Variants in AAK1 observed in about 807,000 individuals in gnomAD.
AAK1 encodes the protein AP2-associated protein kinase 1.
AAK1 carries 37 observed loss-of-function variants against 116.0 expected under a neutral mutation model. The ratio of observed to expected loss-of-function variants is 0.32; its 90% CI spans 0.25 to 0.42. The LOEUF is 0.42. Among genes scored for constraint, AAK1 ranks in the 10% least tolerant of loss-of-function variants. The pLI, the probability that AAK1 is intolerant of heterozygous loss-of-function variation, is 1.00. For synonymous variants in AAK1, 458 were observed against 439.9 expected, an observed-to-expected ratio of 1.04 and a Z score of -0.51; for missense variants, 919 against 1,170.6, an observed-to-expected ratio of 0.79 and a Z score of 3.14.
Position 69,612,734 on chromosome 2 carries a change from G to C in AAK1, c.163+30144C>G, listed in dbSNP as rs1323810488. Among the ~76,000 whole-genome samples the C allele has an allele frequency of 2.0e-5, 3 of 152,318 alleles. No homozygotes were observed. In the East Asian group the frequency reaches 5.8e-4, roughly 29 times the overall value. ...GGAGGCAAGCCAATCCTTGGAAAAT[G>C]AAAAACTGGTACATTCATACCAAGA... On this transcript the variant is annotated intron_variant, in intron 2 of 21. Coordinates refer to ENST00000409085, the MANE Select transcript of AAK1 (RefSeq NM_014911.5).
chr2:69,605,774 C>T (rs2105205364), intron 2 of AAK1, among the ~76,000 whole-genome samples: 1 of 152,304 alleles, frequency 6.6e-6, no homozygotes, highest in South Asian at 2.1e-4. Context: ...CCTTATGCTG[C>T]CTCTTTATAG....
intron 2 of AAK1, among the ~76,000 whole-genome samples, chr2:69,626,171 T>C (rs1290166584): frequency 1.3e-5 from 2 of 152,086 alleles, no homozygotes; most frequent in Admixed American, 6.5e-5. Context: ...ATTTTCAACC[T>C]CTTCCTCTCT....
intron 2 of AAK1, among the ~76,000 whole-genome samples, chr2:69,638,964 G>A (rs369512991): frequency 1.5e-4 from 23 of 152,170 alleles, no homozygotes; most frequent in Non-Finnish European, 2.6e-4. Flanking sequence ...AGGCACGTAC[G>A]TGTATCATAT....
chr2:69,542,698 T>A, intron 4 of AAK1, 33 bp from the exon 5 acceptor site: 1 of 1,606,734 alleles, frequency 6.2e-7, no homozygotes, highest in Non-Finnish European at 8.5e-7. Flanking sequence ...AAGGAGACGT[T>A]ATAAACATTC....
At chr2:69,585,341 T>C (rs1013735048) in intron 2 of AAK1, among the ~76,000 whole-genome samples, 4 of 152,062 alleles carry the variant, frequency 2.6e-5, no homozygotes, top group African/African-American at 9.7e-5. Context: ...GGACTACAGG[T>C]GTGAGCCACT....
Position 69,468,878 on chromosome 2 carries a change from T to C in AAK1, c.*6991A>G, listed in dbSNP as rs1166217749. 2.0e-6 allele frequency: 2 copies of C among 985,292 alleles called. No individual in the cohort carries two copies. Among genetic ancestry groups the C allele is most frequent in the African/African-American group, 1.7e-5 (1 of 57,230 alleles). 61.0% of individuals were successfully genotyped at this position (985,292 alleles called of 1,614,324 possible). ...AAGTGGGTTTTTGGTCGAGAACCCA[T>C]TTGGAAAACCTTCCAACTCAGAGCA... On this transcript the variant is annotated 3_prime_UTR_variant, in exon 22 of 22. Coordinates refer to ENST00000409085, the MANE Select transcript of AAK1 (RefSeq NM_014911.5).
At chr2:69,537,635 T>G (rs1312461113) in intron 5 of AAK1, among the ~76,000 whole-genome samples, 1 of 152,210 alleles carries the variant, frequency 6.6e-6, no homozygotes, top group African/African-American at 2.4e-5. Context: ...GCTAGGACTG[T>G]GGTGGCTGGT....
At chr2:69,476,031 C>A in intron 21 of AAK1, 68 bp from the exon 22 acceptor site, 26 of 1,464,312 alleles carry the variant, frequency 1.8e-5, no homozygotes, top group Admixed American at 4.7e-5. Context: ...GCAGAGCAAG[C>A]AAAGAAGAAA....
chr2:69,522,011 G>GTAATTCTGT (rs1669807250), intron 10 of AAK1, among the ~76,000 whole-genome samples: 1 of 152,128 alleles, frequency 6.6e-6, no homozygotes, highest in African/African-American at 2.4e-5. Flanking sequence ...CTGTCACTTT[G>GTAATTCTGT]GACTTTCTGT....
Position 69,474,014 on chromosome 2 carries a change from T to C in AAK1, c.*1855A>G, listed in dbSNP as rs1326247762. 2 of 985,806 alleles carry C rather than the reference T, an allele frequency of 2.0e-6. No homozygotes were observed. Among genetic ancestry groups the C allele is most frequent in the Non-Finnish European group, 2.4e-6 (2 of 829,934 alleles). 61.1% of individuals were successfully genotyped at this position (985,806 alleles called of 1,614,324 possible). A position where few individuals can be genotyped will look rare whatever the true frequency, so the allele number is the denominator to read the frequency against. On this transcript the variant is annotated 3_prime_UTR_variant, in exon 22 of 22. Coordinates refer to ENST00000409085, the MANE Select transcript of AAK1 (RefSeq NM_014911.5). ...ATGGTCTGTTATTCAACTAGAGGCC[T>C]TTACCTAGCTCATCTTGTTTCAGCC...
intron 2 of AAK1, among the ~76,000 whole-genome samples, chr2:69,577,450 A>T (rs963592031): frequency 1.3e-5 from 2 of 151,890 alleles, no homozygotes; most frequent in Non-Finnish European, 2.9e-5. Context: ...TACTCTGTAG[A>T]ATTTACTCCC....
chr2:69,515,282 C>T (rs1006057953), intron 12 of AAK1, among the ~76,000 whole-genome samples: 3 of 152,124 alleles, frequency 2.0e-5, no homozygotes, highest in African/African-American at 7.2e-5. Flanking sequence ...TATTAAACTT[C>T]CTTAAACATT....
At chr2:69,531,332 G>A (rs536538415) in intron 6 of AAK1, among the ~76,000 whole-genome samples, 1 of 152,306 alleles carries the variant, frequency 6.6e-6, no homozygotes, top group South Asian at 2.1e-4. Flanking sequence ...GCATCCCTCA[G>A]GGCCTTGGGT....
intron 2 of AAK1, among the ~76,000 whole-genome samples, chr2:69,602,519 T>A (rs1433657038): frequency 6.6e-6 from 1 of 152,206 alleles, no homozygotes; most frequent in African/African-American, 2.4e-5. Context: ...ATATTAACCA[T>A]CGGTGAATCT....
intron 13 of AAK1, among the ~76,000 whole-genome samples, chr2:69,510,247 C>T (rs11692488): frequency 0.36 from 54,813 of 151,936 alleles, 10,562 homozygotes; most frequent in East Asian, 0.53. Flanking sequence ...TCCCTCTTTG[C>T]GTCCATGAGT....
At chr2:69,642,372 A>G (rs1287138768) in intron 2 of AAK1, among the ~76,000 whole-genome samples, 2 of 152,198 alleles carry the variant, frequency 1.3e-5, no homozygotes, top group Non-Finnish European at 2.9e-5. Context: ...AAATCCACCA[A>G]GAGCCTTGGC....
rs1341877502 is a variant in AAK1 at position 69,461,442 on chromosome 2, TCTAA to T, written c.*14423_*14426del. Reference sequence around the variant, plus strand: ...CCTACTGTAATACAAGTCGGCAGAATCTAACTGTTACTAATAATTAATGTAATCC... The same window carrying T: ...CCTACTGTAATACAAGTCGGCAGAATCTGTTACTAATAATTAATGTAATCC... On this transcript the variant is annotated 3_prime_UTR_variant, in exon 22 of 22. Coordinates refer to ENST00000409085, the MANE Select transcript of AAK1 (RefSeq NM_014911.5). 7 of 244,338 alleles carry T rather than the reference TCTAA, an allele frequency of 2.9e-5. No homozygotes were observed. The highest frequency in any genetic ancestry group is 1.2e-4 in the Admixed American group (2 of 17,122). 15.1% of individuals were successfully genotyped at this position (244,338 alleles called of 1,614,324 possible).
Position 69,470,610 on chromosome 2 carries a change from T to A in AAK1, c.*5259A>T. The stretch of plus-strand genomic sequence containing the variant: ...CACAAAATGTTTAATTAAGTTGGCC[T>A]GGGTATATTAGGGATTAAGTTAGAG... On this transcript the variant is annotated 3_prime_UTR_variant, in exon 22 of 22. Transcript: ENST00000409085. The A allele has an allele frequency of 1.0e-6, 1 of 985,424 alleles. No homozygotes were observed. Among genetic ancestry groups the A allele is most frequent in the Non-Finnish European group, 1.2e-6 (1 of 829,926 alleles). 61.0% of individuals were successfully genotyped at this position (985,424 alleles called of 1,614,324 possible).
intron 2 of AAK1, among the ~76,000 whole-genome samples, chr2:69,584,356 G>C (rs754475881): frequency 1.3e-5 from 2 of 152,168 alleles, no homozygotes; most frequent in Non-Finnish European, 2.9e-5. Flanking sequence ...GCTTTACACT[G>C]TGGTTACTTT....
Sources: allele counts gnomAD v4.1 joint callset (sites outside exome capture counted in the v4.1 genomes callset), GRCh38; gene constraint gnomAD v4.1.1; transcripts MANE v1.5; gene names NCBI Gene and HGNC (gene_info 2026-07-23, HGNC 2026-07-21).